RALYL: variants seen among roughly 807,000 people sequenced by gnomAD.
The protein encoded by RALYL is RNA-binding Raly-like protein.
A neutral mutation model predicts 35.1 loss-of-function variants in RALYL; 29 were observed. The ratio of observed to expected loss-of-function variants is 0.83; its 90% CI spans 0.61 to 1.13. The LOEUF is 1.13. RALYL is among the 50% of genes most tolerant of loss of function. The pLI, the probability that RALYL is intolerant of heterozygous loss-of-function variation, is 0.00. For missense variants in RALYL, 359 were observed against 360.4 expected (o/e 1.00, Z 0.03); for synonymous variants, 120 against 127.6 (o/e 0.94, Z 0.40).
rs557500064 is a variant in RALYL at position 84,199,917 on chromosome 8, A to C, written c.-24+15493A>C. Among the ~76,000 whole-genome samples, 9 of 152,322 alleles carry C rather than the reference A, an allele frequency of 5.9e-5. No individual in the cohort carries two copies. In the South Asian group the frequency reaches 1.9e-3, roughly 32 times the overall value. ...CTAGTAAATGTCATGGAAAGAACTT[A>C]TCTCTGCCAATTGCATTGGAAGGTA... On this transcript the variant is annotated intron_variant, in intron 1 of 8. Transcript: ENST00000521268.
At chr8:84,424,738 T>C (rs2132502330) in intron 1 of RALYL, among the ~76,000 whole-genome samples, 1 of 151,204 alleles carries the variant, frequency 6.6e-6, no homozygotes, top group South Asian at 2.1e-4. Context: ...GGTGTGGATG[T>C]CCTTTCTGTT....
At chr8:84,282,031 C>G (rs1836678574) in intron 1 of RALYL, among the ~76,000 whole-genome samples, 1 of 151,948 alleles carries the variant, frequency 6.6e-6, no homozygotes, top group African/African-American at 2.4e-5. Context: ...TTGCTGCTGC[C>G]TAAAGAAATA....
intron 4 of RALYL, among the ~76,000 whole-genome samples, chr8:84,819,732 C>G (rs544705959): frequency 1.3e-5 from 2 of 152,102 alleles, no homozygotes; most frequent in Admixed American, 6.5e-5. Flanking sequence ...TTATAGCAGG[C>G]AGCAATATAG....
At chr8:84,209,067 A>G (rs1310728373) in intron 1 of RALYL, among the ~76,000 whole-genome samples, 8 of 151,536 alleles carry the variant, frequency 5.3e-5, no homozygotes, top group Non-Finnish European at 1.2e-4. Context: ...ACATTTAATA[A>G]TAATAAAAAC....
chr8:84,660,580 G>A (rs906088298), intron 2 of RALYL, among the ~76,000 whole-genome samples: 1 of 151,716 alleles, frequency 6.6e-6, no homozygotes, highest in African/African-American at 2.4e-5. Context: ...TTCATAGATT[G>A]TGGTTTTTCA....
chr8:84,334,037 C>G (rs1847314218), intron 1 of RALYL, among the ~76,000 whole-genome samples: 1 of 151,962 alleles, frequency 6.6e-6, no homozygotes, highest in Non-Finnish European at 1.5e-5. Flanking sequence ...TGGGTGCATG[C>G]TACCACACAG....
At chr8:84,607,174 C>T (rs1437593706) in intron 2 of RALYL, among the ~76,000 whole-genome samples, 1 of 151,782 alleles carries the variant, frequency 6.6e-6, no homozygotes, top group Non-Finnish European at 1.5e-5. Context: ...TCTCTTTTCC[C>T]CCCCCTTTTC....
intron 3 of RALYL, among the ~76,000 whole-genome samples, chr8:84,801,820 T>A (rs1428142236): frequency 6.6e-6 from 1 of 152,172 alleles, no homozygotes; most frequent in East Asian, 1.9e-4. Context: ...ACCATCTTCT[T>A]ATGATTAATG....
intron 3 of RALYL, among the ~76,000 whole-genome samples, chr8:84,787,090 A>G (rs1324544049): frequency 2.0e-5 from 3 of 152,128 alleles, no homozygotes; most frequent in African/African-American, 7.2e-5. Context: ...TACACATGCT[A>G]TGGTGGTTTG....
chr8:84,415,198 G>T, intron 1 of RALYL, among the ~76,000 whole-genome samples: 1 of 101,670 alleles, frequency 9.8e-6, no homozygotes, highest in African/African-American at 3.8e-5. Context: ...TCTACTTGCA[G>T]ACACTCGTTT....
chr8:84,791,874 C>G (rs1820860495), intron 3 of RALYL, among the ~76,000 whole-genome samples: 1 of 152,156 alleles, frequency 6.6e-6, no homozygotes, highest in Non-Finnish European at 1.5e-5. Flanking sequence ...ATTGCTTTGG[C>G]ACTAACAGAG....
At chr8:84,510,596 A>T (rs2057528413) in intron 1 of RALYL, among the ~76,000 whole-genome samples, 1 of 152,126 alleles carries the variant, frequency 6.6e-6, no homozygotes, top group Admixed American at 6.6e-5. Flanking sequence ...GGATCACCTG[A>T]GGTCACGAGT....
chr8:84,282,534 T>C (rs1836769625), intron 1 of RALYL, among the ~76,000 whole-genome samples: 1 of 152,040 alleles, frequency 6.6e-6, no homozygotes, highest in African/African-American at 2.4e-5. Context: ...GAGGGGTGGT[T>C]CATAATTTTA....
chr8:84,818,690 C>CTGTT (rs1563673834), intron 4 of RALYL, among the ~76,000 whole-genome samples: 3 of 152,152 alleles, frequency 2.0e-5, no homozygotes, highest in East Asian at 1.9e-4. Flanking sequence ...ACCTGCTTGG[C>CTGTT]TGTTTTGCTT....
At chr8:84,750,153 T>A (rs1310676720) in intron 2 of RALYL, among the ~76,000 whole-genome samples, 1 of 152,168 alleles carries the variant, frequency 6.6e-6, no homozygotes, top group Non-Finnish European at 1.5e-5. Context: ...CAGAAAACTG[T>A]CCTGCAATCT....
intron 1 of RALYL, among the ~76,000 whole-genome samples, chr8:84,223,156 T>TCCTTTC (rs1422103254): frequency 2.9e-4 from 35 of 122,738 alleles, no homozygotes; most frequent in African/African-American, 9.4e-4. Flanking sequence ...TCCTTTCCTT[T>TCCTTTC]CTTTCCTTCC....
intron 1 of RALYL, among the ~76,000 whole-genome samples, chr8:84,306,140 G>A (rs1225932193): frequency 6.6e-6 from 1 of 151,704 alleles, no homozygotes; most frequent in African/African-American, 2.4e-5. Flanking sequence ...CCCCAGCCTG[G>A]GTGACAGAGC....
intron 2 of RALYL, among the ~76,000 whole-genome samples, chr8:84,531,244 A>G (rs2059258780): frequency 6.6e-6 from 1 of 152,204 alleles, no homozygotes; most frequent in Admixed American, 6.5e-5. Context: ...TATTGTGAAT[A>G]TTATCAAATG....
chr8:84,310,810 G>A (rs530590299), intron 1 of RALYL, among the ~76,000 whole-genome samples: 3 of 146,838 alleles, frequency 2.0e-5, no homozygotes, highest in African/African-American at 8.1e-5. Flanking sequence ...CACTTTGGGA[G>A]GCCGAGGCGG....
Sources: gnomAD v4.1 joint callset for allele counts (sites outside exome capture counted in the v4.1 genomes callset) on GRCh38, gnomAD v4.1.1 for gene constraint, MANE v1.5 for transcripts, NCBI Gene and HGNC (gene_info 2026-07-23, HGNC 2026-07-21) for gene names.